TET2: variants seen among roughly 807,000 people sequenced by gnomAD.
The protein encoded by TET2 is tet methylcytosine dioxygenase 2.
Under a neutral mutation model 142.9 loss-of-function variants are expected in TET2, and 299 were observed. The ratio of observed to expected loss-of-function variants is 2.09; its 90% CI spans 1.90 to 2.30. The LOEUF is 2.30. Ranked by LOEUF, TET2 falls within the 30% of genes most tolerant of loss-of-function variation. The pLI, the probability that TET2 is intolerant of heterozygous loss-of-function variation, is 0.00. For synonymous variants in TET2, 819 were observed against 849.0 expected, an observed-to-expected ratio of 0.96 and a Z score of 0.61; for missense variants, 2,418 against 2,378.0, an observed-to-expected ratio of 1.02 and a Z score of -0.35.
chr4:105,243,517 T>C, intron 5 of TET2, 53 bp from the exon 6 acceptor site: 1 of 1,486,090 alleles, frequency 6.7e-7, no homozygotes, highest in Non-Finnish European at 9.2e-7. Flanking sequence ...GTGACCCTTG[T>C]TTTGTTTTGG....
At chr4:105,242,481 A>G in intron 4 of TET2, 1 of 1,105,218 alleles carries the variant, frequency 9.0e-7, no homozygotes, top group Middle Eastern at 4.0e-4. Flanking sequence ...AAAATAGCTA[A>G]ATTTAGTAAG....
rs1204136165 is a variant in TET2 at position 105,275,897 on chromosome 4, G to T, written c.5387G>T (p.Gly1796Val). ...GACATGCTTTCCCACACAGCTAATGGGTTATCAAAGATGCTTCCAGCTCTT... is the reference window on the plus strand; with the variant it reads ...GACATGCTTTCCCACACAGCTAATGTGTTATCAAAGATGCTTCCAGCTCTT... Reference protein sequence around the residue: ...ENDMLSHTANGLSKMLPALNH... With the variant: ...ENDMLSHTANVLSKMLPALNH... The change falls in exon 11 of 11, where the codon GGG becomes GTG. Residue 1796 changes from glycine (G) to valine (V), a missense_variant. By Grantham distance (109) the Gly-to-Val change is moderately radical. Transcript: ENST00000380013. 1.9e-6 allele frequency: 3 copies of T among 1,551,864 alleles called. No homozygotes were observed. Among genetic ancestry groups the T allele is most frequent in the Non-Finnish European group, 2.6e-6 (3 of 1,147,042 alleles).
At chr4:105,167,078 C>T (rs1353084504) in intron 1 of TET2, among the ~76,000 whole-genome samples, 3 of 151,892 alleles carry the variant, frequency 2.0e-5, no homozygotes, top group African/African-American at 7.2e-5. Flanking sequence ...TGCATTAGAA[C>T]TTGTGAACTG....
chr4:105,269,150 C>T (rs1730827426), intron 8 of TET2, among the ~76,000 whole-genome samples: 1 of 152,110 alleles, frequency 6.6e-6, no homozygotes, highest in Non-Finnish European at 1.5e-5. Context: ...CCAGTAGTAT[C>T]TGAACAGTTG....
chr4:105,261,916 A>G (rs1730453779), intron 8 of TET2, 68 bp downstream of exon 8: 1 of 903,600 alleles, frequency 1.1e-6, no homozygotes, highest in African/African-American at 1.7e-5. Context: ...ATGTCCAAAA[A>G]TATTTTTGAA....
intron 2 of TET2, among the ~76,000 whole-genome samples, chr4:105,207,665 T>C (rs1028794438): frequency 6.6e-6 from 1 of 152,172 alleles, no homozygotes; most frequent in African/African-American, 2.4e-5. Flanking sequence ...TAACCTATAC[T>C]GCTGTGGAAG....
At position 105,234,317 on chromosome 4, in the gene TET2, C is replaced by T. The variant is rs916637514; in HGVS notation, c.375C>T (p.Phe125=). The T allele has an allele frequency of 5.0e-6, 8 of 1,614,044 alleles. No individual in the cohort carries two copies. The highest frequency in any genetic ancestry group is 1.6e-4 in the Middle Eastern group (1 of 6,062). ...AGGCTAATGGAGAAAGACGTAACTT[C>T]GGGGTAAGCCAAGAAAGAAATCCAG... is the stretch of plus-strand genomic sequence containing the variant. ...DQKANGERRN[F]GVSQERNPGE... is the part of the protein sequence containing the mutation. Residue 125 remains phenylalanine (F), a synonymous_variant, in exon 3 of 11, where the codon TTC becomes TTT. Transcript: ENST00000380013.
chr4:105,147,495 C>T (rs184925499), intron 1 of TET2: 4 of 152,442 alleles, frequency 2.6e-5, no homozygotes, highest in Admixed American at 2.6e-4. Flanking sequence ...GTGTCTGCCT[C>T]CTCCTACCTT....
At chr4:105,257,008 A>C (rs1453240916) in intron 6 of TET2, among the ~76,000 whole-genome samples, 1 of 152,202 alleles carries the variant, frequency 6.6e-6, no homozygotes, top group Non-Finnish European at 1.5e-5. Flanking sequence ...TTATTTGGGC[A>C]TACATGAAAT....
intron 1 of TET2, among the ~76,000 whole-genome samples, chr4:105,173,374 A>C (rs185824234): frequency 0.014 from 2,082 of 151,322 alleles, 32 homozygotes; most frequent in Middle Eastern, 0.058. Flanking sequence ...AAAAAAAAAA[A>C]AAAACAAAAC....
At chr4:105,251,291 G>A (rs1729856997) in intron 6 of TET2, among the ~76,000 whole-genome samples, 1 of 151,974 alleles carries the variant, frequency 6.6e-6, no homozygotes, top group Non-Finnish European at 1.5e-5. Context: ...ATTAACAACT[G>A]CAAACATCCT....
intron 1 of TET2, among the ~76,000 whole-genome samples, chr4:105,153,305 T>G (rs1723403594): frequency 6.6e-6 from 1 of 152,234 alleles, no homozygotes; most frequent in African/African-American, 2.4e-5. Context: ...TCAGTTTAAC[T>G]TGTACTCATT....
chr4:105,189,101 G>T (rs561951480), intron 1 of TET2, among the ~76,000 whole-genome samples: 1 of 152,134 alleles, frequency 6.6e-6, no homozygotes, highest in South Asian at 2.1e-4. Context: ...GAAGCAACGT[G>T]TCCCAGTCTC....
Position 105,241,371 on chromosome 4 carries a change from T to A in TET2, c.3442T>A (p.Tyr1148Asn), listed in dbSNP as rs1466574077. ...QIIEKDEGPF[Y>N]THLGAGPNVA... ...TATTGAAAAAGATGAAGGTCCTTTT[T>A]ATACCCATCTAGGAGCAGGTCCTAA... The change falls in exon 4 of 11, where the codon TAT (tyrosine) becomes AAT (asparagine). Residue 1148 changes from tyrosine (Y) to asparagine (N), a missense_variant. Tyr to Asn is a moderately radical substitution (Grantham distance 143). Coordinates refer to ENST00000380013, the MANE Select transcript of TET2 (RefSeq NM_001127208.3). 1 of 1,549,332 alleles carries A rather than the reference T, an allele frequency of 6.5e-7. No homozygotes were observed. The highest frequency in any genetic ancestry group is 8.7e-7 in the Non-Finnish European group (1 of 1,146,322).
chr4:105,181,042 C>T (rs1057141344), intron 1 of TET2, among the ~76,000 whole-genome samples: 3 of 152,160 alleles, frequency 2.0e-5, no homozygotes, highest in African/African-American at 4.8e-5. Flanking sequence ...CCTTGTTTGC[C>T]TCTATAAAAC....
In TET2 at chr4:105,277,469, A is replaced by G. The variant is rs1390927674; in HGVS notation, c.*950A>G. 4.4e-5 allele frequency: 10 copies of G among 226,670 alleles called. No individual in the cohort carries two copies. The highest frequency in any genetic ancestry group is 8.8e-5 in the Non-Finnish European group (10 of 113,998). 14.0% of individuals were successfully genotyped at this position (226,670 alleles called of 1,614,324 possible). A position where few individuals can be genotyped will look rare whatever the true frequency, so the allele number is the denominator to read the frequency against. On this transcript the variant is annotated 3_prime_UTR_variant, in exon 11 of 11. Transcript: ENST00000380013. ...ACTTGAACAATGCTAAGGTACTGAGATGTTTAAAAAACAAGTTTACTTTCA... is the reference window on the plus strand; with the variant it reads ...ACTTGAACAATGCTAAGGTACTGAGGTGTTTAAAAAACAAGTTTACTTTCA...
At chr4:105,179,572 A>G (rs868158092) in intron 1 of TET2, among the ~76,000 whole-genome samples, 1 of 152,308 alleles carries the variant, frequency 6.6e-6, no homozygotes, top group Middle Eastern at 3.4e-3. Context: ...TTCACCATCT[A>G]TCCTCAAAAA....
At chr4:105,244,876 C>T (rs540887444) in intron 6 of TET2, among the ~76,000 whole-genome samples, 25 of 152,284 alleles carry the variant, frequency 1.6e-4, no homozygotes, top group Non-Finnish European at 2.9e-4. Flanking sequence ...AGGCATGAGC[C>T]GCCGCGCCTG....
chr4:105,178,669 CAG>C (rs904571780), intron 1 of TET2, among the ~76,000 whole-genome samples: 20 of 152,006 alleles, frequency 1.3e-4, no homozygotes, highest in African/African-American at 4.4e-4. Context: ...TCTGTGGGGA[CAG>C]GGGTATATGG....
Sources: allele counts gnomAD v4.1 joint callset (sites outside exome capture counted in the v4.1 genomes callset), GRCh38; gene constraint gnomAD v4.1.1; transcripts MANE v1.5; gene names NCBI Gene and HGNC (gene_info 2026-07-23, HGNC 2026-07-21).